Variants in DAB2IP observed in about 807,000 individuals in gnomAD.
DAB2IP encodes the protein disabled homolog 2-interacting protein.
In DAB2IP, 28 loss-of-function variants were observed where a neutral mutation model predicts 107.2. The observed-to-expected ratio is 0.26, with a 90% CI of 0.19 to 0.36. DAB2IP has a LOEUF of 0.36. Among genes scored for constraint, DAB2IP ranks in the 10% least tolerant of loss-of-function variants. The probability of loss-of-function intolerance (pLI) is 1.00; values close to 1 mark genes in which losing one functional copy is unlikely to be tolerated. For missense variants in DAB2IP, 1,400 were observed against 1,644.7 expected (o/e 0.85, Z 2.57); for synonymous variants, 755 against 706.4 (o/e 1.07, Z -1.09).
intron 3 of DAB2IP, among the ~76,000 whole-genome samples, chr9:121,727,461 G>A (rs1831295403): frequency 6.6e-6 from 1 of 152,248 alleles, no homozygotes; most frequent in African/African-American, 2.4e-5. Flanking sequence ...TGGCAGTGGG[G>A]GTGTGGCAAG....
chr9:121,567,144 C>A (rs771262362), exon 1 of DAB2IP: 4 of 1,613,080 alleles, frequency 2.5e-6, no homozygotes, highest in Admixed American at 1.7e-5. Context: ...GAGACAGCCT[C>A]GGTTCATAAA....
At chr9:121,663,051 T>A (rs17438783) in intron 1 of DAB2IP, among the ~76,000 whole-genome samples, 7,338 of 152,212 alleles carry the variant, frequency 0.048, 260 homozygotes, top group Non-Finnish European at 0.07. Context: ...GGCCGGTGAA[T>A]TCATCCTTGG....
At chr9:121,731,842 G>A (rs1319416237) in intron 3 of DAB2IP, among the ~76,000 whole-genome samples, 1 of 152,166 alleles carries the variant, frequency 6.6e-6, no homozygotes, top group African/African-American at 2.4e-5. Context: ...GTTGGGGAGT[G>A]TTTAGGGAGG....
chr9:121,774,270 C>G (rs1835015973), exon 13 of DAB2IP: 1 of 1,611,358 alleles, frequency 6.2e-7, no homozygotes, highest in Admixed American at 1.7e-5. Context: ...GGCCCTTCAC[C>G]TGTGAGCCCC....
At chr9:121,748,479 G>A (rs564928998) in intron 3 of DAB2IP, among the ~76,000 whole-genome samples, 171 of 152,330 alleles carry the variant, frequency 1.1e-3, no homozygotes, top group African/African-American at 3.9e-3. Context: ...TTTAGAGAAC[G>A]TCCTAAAGCT....
At chr9:121,721,499 CT>C (rs1830930760) in intron 3 of DAB2IP, among the ~76,000 whole-genome samples, 2 of 152,228 alleles carry the variant, frequency 1.3e-5, no homozygotes. Flanking sequence ...CAGTCCACCA[CT>C]GTAGTGGCAT....
At chr9:121,774,777 G>T (rs1258430452) in intron 13 of DAB2IP, among the ~76,000 whole-genome samples, 1 of 152,080 alleles carries the variant, frequency 6.6e-6, no homozygotes, top group East Asian at 1.9e-4. Context: ...ACATATAGAA[G>T]CCCCCCTGAG....
intron 8 of DAB2IP, among the ~76,000 whole-genome samples, chr9:121,765,817 T>C (rs1834238777): frequency 1.3e-5 from 2 of 152,288 alleles, no homozygotes; most frequent in Middle Eastern, 3.4e-3. Context: ...AGGAGCCCCA[T>C]TGTCTAGGGC....
exon 12 of DAB2IP, chr9:121,773,153 C>T: frequency 6.2e-7 from 1 of 1,609,092 alleles, no homozygotes; most frequent in Non-Finnish European, 8.5e-7. Context: ...TGGGAAGTTT[C>T]AGCACTGCCG....
intron 9 of DAB2IP, among the ~76,000 whole-genome samples, chr9:121,768,047 T>C (rs1834411076): frequency 6.6e-6 from 1 of 152,020 alleles, no homozygotes; most frequent in South Asian, 2.1e-4. Flanking sequence ...TAGGAGGGAC[T>C]CCCAGGGGTG....
At chr9:121,743,912 T>A (rs1001930830) in intron 3 of DAB2IP, among the ~76,000 whole-genome samples, 1 of 152,116 alleles carries the variant, frequency 6.6e-6, no homozygotes, top group Admixed American at 6.5e-5. Flanking sequence ...GCCCAGAATG[T>A]AGAAACGGTT....
chr9:121,672,923 A>G (rs1208216571), intron 1 of DAB2IP, among the ~76,000 whole-genome samples: 1 of 152,228 alleles, frequency 6.6e-6, no homozygotes, highest in Non-Finnish European at 1.5e-5. Context: ...TGCCCAAATT[A>G]GAAAAGATTT....
intron 1 of DAB2IP, among the ~76,000 whole-genome samples, chr9:121,663,917 T>C (rs1032946641): frequency 3.3e-5 from 5 of 152,258 alleles, no homozygotes; most frequent in African/African-American, 1.2e-4. Context: ...GCTTGAATCC[T>C]GTTTTCAACG....
At chr9:121,661,071 T>G (rs1833180649) in intron 1 of DAB2IP, among the ~76,000 whole-genome samples, 1 of 151,596 alleles carries the variant, frequency 6.6e-6, no homozygotes, top group African/African-American at 2.4e-5. Flanking sequence ...AGCGGGAGGA[T>G]GAGGGTCATT....
chr9:121,721,219 G>T (rs1441271586), intron 3 of DAB2IP, among the ~76,000 whole-genome samples: 1 of 152,184 alleles, frequency 6.6e-6, no homozygotes, highest in Non-Finnish European at 1.5e-5. Context: ...TCTGGATGCA[G>T]CCTGAAGGCT....
intron 3 of DAB2IP, among the ~76,000 whole-genome samples, chr9:121,740,499 C>A (rs1278108960): frequency 1.3e-5 from 2 of 152,178 alleles, no homozygotes; most frequent in South Asian, 4.1e-4. Flanking sequence ...TCCTTTACAC[C>A]AAGGGTATTT....
At chr9:121,724,224 GT>G (rs1044808149) in intron 3 of DAB2IP, among the ~76,000 whole-genome samples, 1 of 152,038 alleles carries the variant, frequency 6.6e-6, no homozygotes, top group African/African-American at 2.4e-5. Flanking sequence ...TATGACTCAG[GT>G]TCCTTCCTGT....
rs1358756053 is a variant in DAB2IP at position 121,776,154 on chromosome 9, C to G, written c.3121-44C>G. The stretch of plus-strand genomic sequence containing the variant: ...ACTCGGGCTGACGAAGCTGTGCTCT[C>G]TGTGTCCTGGGTGCTGTGCCCGTGG... On this transcript the variant is annotated intron_variant, in intron 13 of 15. Coordinates refer to ENST00000408936, the Ensembl canonical transcript of DAB2IP. This position sits in a 1 kb window ranked among gnomAD's most constrained non-coding sequence, Gnocchi z 5.4. The G allele has an allele frequency of 1.3e-6, 2 of 1,550,744 alleles. No homozygotes were observed. Among genetic ancestry groups the G allele is most frequent in the Admixed American group, 2.0e-5 (1 of 50,476 alleles).
chr9:121,781,537 A>G, exon 15 of DAB2IP: 1 of 1,613,924 alleles, frequency 6.2e-7, no homozygotes, highest in Non-Finnish European at 8.5e-7. Flanking sequence ...CAAACAGAAG[A>G]TCATTGATGC....
Sources: allele counts gnomAD v4.1 joint callset (sites outside exome capture counted in the v4.1 genomes callset), GRCh38; gene constraint gnomAD v4.1.1; non-coding constraint Gnocchi (gnomAD v3.1); transcripts MANE v1.5; gene names NCBI Gene and HGNC (gene_info 2026-07-23, HGNC 2026-07-21).